Variants in LRRTM4 observed in about 807,000 individuals in gnomAD.
The protein encoded by LRRTM4 is leucine rich repeat transmembrane neuronal 4, also known as leucine-rich repeat transmembrane neuronal protein 4.
LRRTM4 carries 25 observed loss-of-function variants against 47.6 expected under a neutral mutation model. That is an observed-to-expected ratio of 0.53 (90% CI 0.38 to 0.73). LRRTM4 has a LOEUF of 0.73. Among genes scored for constraint, LRRTM4 ranks in the 30% least tolerant of loss-of-function variants. The pLI, the probability that LRRTM4 is intolerant of heterozygous loss-of-function variation, is 0.00. For missense variants in LRRTM4, 638 were observed against 713.4 expected, an observed-to-expected ratio of 0.89 and a Z score of 1.20; for synonymous variants, 311 against 269.5, an observed-to-expected ratio of 1.15 and a Z score of -1.51.
intron 3 of LRRTM4, among the ~76,000 whole-genome samples, chr2:77,052,297 T>C (rs1463431451): frequency 6.6e-6 from 1 of 151,624 alleles, no homozygotes; most frequent in Non-Finnish European, 1.5e-5. Flanking sequence ...ACCTCCCGGG[T>C]AGCTGGGATT....
rs1679389803 is a variant in LRRTM4, at chr2:77,519,501, T to A, written c.368A>T (p.Tyr123Phe). The change falls in exon 3 of 4, where the codon TAT becomes TTT. Residue 123 changes from tyrosine to phenylalanine, a missense_variant. Tyr to Phe is a conservative substitution (Grantham distance 22). Transcript: ENST00000409884. The surrounding 1 kb of genome is among the most constrained non-coding windows in gnomAD (Gnocchi z 4.6). ...TGGGTGAAATGTTTTATTGTGCAGA[T>A]AAGTAATTTTGTTGGAGCTTAGAAT... ...ELILSSNKIT[Y>F]LHNKTFHPVP... is the part of the protein sequence containing the mutation. 1 of 1,613,462 alleles carries A rather than the reference T, an allele frequency of 6.2e-7. No homozygotes were observed. The highest frequency in any genetic ancestry group is 8.5e-7 in the Non-Finnish European group (1 of 1,179,626).
At chr2:77,036,876 A>T (rs372146890) in intron 3 of LRRTM4, among the ~76,000 whole-genome samples, 1 of 151,866 alleles carries the variant, frequency 6.6e-6, no homozygotes, top group East Asian at 1.9e-4. Flanking sequence ...CAATCTGCTG[A>T]TCAAGAAAGA....
chr2:77,177,249 C>T (rs1673224546), intron 3 of LRRTM4, among the ~76,000 whole-genome samples: 1 of 152,178 alleles, frequency 6.6e-6, no homozygotes, highest in Non-Finnish European at 1.5e-5. Flanking sequence ...CCCACATGGT[C>T]TCCTGGGCTG....
At chr2:76,851,235 T>C (rs1671983717) in intron 3 of LRRTM4, among the ~76,000 whole-genome samples, 1 of 152,204 alleles carries the variant, frequency 6.6e-6, no homozygotes, top group Admixed American at 6.6e-5. Flanking sequence ...CAGCATCTTT[T>C]GTCAGATGCT....
chr2:77,051,922 A>C (rs1164724142), intron 3 of LRRTM4, among the ~76,000 whole-genome samples: 1 of 152,112 alleles, frequency 6.6e-6, no homozygotes, highest in Non-Finnish European at 1.5e-5. Flanking sequence ...ATCTTCAGAC[A>C]TGTAATTGTT....
intron 3 of LRRTM4, among the ~76,000 whole-genome samples, chr2:76,778,691 T>C (rs992779657): frequency 1.1e-4 from 16 of 151,946 alleles, no homozygotes; most frequent in African/African-American, 3.6e-4. Flanking sequence ...ATCAATTTTG[T>C]TGATCCTTTC....
chr2:76,837,685 C>A (rs373469003), intron 3 of LRRTM4, among the ~76,000 whole-genome samples: 1 of 152,050 alleles, frequency 6.6e-6, no homozygotes, highest in East Asian at 1.9e-4. Flanking sequence ...TGGAACCAAC[C>A]CAAATGTCCA....
chr2:77,359,034 A>G (rs1409149480), intron 3 of LRRTM4, among the ~76,000 whole-genome samples: 1 of 152,150 alleles, frequency 6.6e-6, no homozygotes, highest in Non-Finnish European at 1.5e-5. Flanking sequence ...TCTAATTACA[A>G]TATTTTCCTA....
At chr2:76,791,447 G>C (rs1017506100) in intron 3 of LRRTM4, among the ~76,000 whole-genome samples, 12 of 152,098 alleles carry the variant, frequency 7.9e-5, no homozygotes, top group Admixed American at 2.6e-4. Context: ...AGAGAATTTA[G>C]AGGAAAAAAT....
intron 3 of LRRTM4, among the ~76,000 whole-genome samples, chr2:77,279,948 T>C (rs953728932): frequency 6.6e-6 from 1 of 151,980 alleles, no homozygotes; most frequent in Non-Finnish European, 1.5e-5. Flanking sequence ...ATGTGGTAGA[T>C]AGAATAATAT....
At chr2:77,498,889 T>C (rs1054537130) in intron 3 of LRRTM4, among the ~76,000 whole-genome samples, 1 of 151,850 alleles carries the variant, frequency 6.6e-6, no homozygotes, top group Admixed American at 6.6e-5. Context: ...ACACAGAAAT[T>C]CTCTCAATTT....
chr2:77,000,393 G>A (rs1297072968), intron 3 of LRRTM4, among the ~76,000 whole-genome samples: 2 of 152,110 alleles, frequency 1.3e-5, no homozygotes, highest in African/African-American at 4.8e-5. Context: ...TACAATAAAT[G>A]AGAGCTTGGG....
rs1053532058 is a variant in LRRTM4 at position 77,453,537 on chromosome 2, T to C, written c.1551+64781A>G. Among the ~76,000 whole-genome samples, 3 of 152,156 alleles carry C rather than the reference T, an allele frequency of 2.0e-5. No homozygotes were observed. The South Asian group carries it at 6.2e-4, about 31-fold the overall frequency. On this transcript the variant is annotated intron_variant, in intron 3 of 3. Coordinates refer to ENST00000409884, the MANE Select transcript of LRRTM4 (RefSeq NM_001134745.3). ...GATTCCAAGTCATTGGATAGAAAAA[T>C]TCATTTGTGGTATGTCTTAAGGAAA... is the stretch of plus-strand genomic sequence containing the variant.
chr2:76,774,285 C>T (rs996301749), intron 3 of LRRTM4, among the ~76,000 whole-genome samples: 51 of 151,746 alleles, frequency 3.4e-4, no homozygotes, highest in Admixed American at 2.2e-3. Context: ...TCTGACTCCC[C>T]GGTTCAAGCA....
chr2:77,096,659 T>C (rs1245431855), intron 3 of LRRTM4, among the ~76,000 whole-genome samples: 1 of 151,500 alleles, frequency 6.6e-6, no homozygotes, highest in African/African-American at 2.4e-5. Flanking sequence ...ATATAGAGAA[T>C]AGATAAAGGT....
At chr2:77,334,813 A>G (rs1435908390) in intron 3 of LRRTM4, among the ~76,000 whole-genome samples, 1 of 152,186 alleles carries the variant, frequency 6.6e-6, no homozygotes, top group Non-Finnish European at 1.5e-5. Flanking sequence ...CAAAGATAGG[A>G]TACTAGTCTT....
intron 3 of LRRTM4, among the ~76,000 whole-genome samples, chr2:76,834,377 G>A (rs1459669310): frequency 1.3e-5 from 2 of 151,784 alleles, no homozygotes; most frequent in Admixed American, 1.3e-4. Context: ...TTTGTACTTA[G>A]AGGAGATTTC....
intron 3 of LRRTM4, among the ~76,000 whole-genome samples, chr2:77,045,499 C>G (rs915262477): frequency 2.0e-5 from 3 of 151,824 alleles, no homozygotes; most frequent in African/African-American, 7.3e-5. Flanking sequence ...GTGTCCCCAC[C>G]CAAATCTCAT....
intron 3 of LRRTM4, among the ~76,000 whole-genome samples, chr2:76,780,596 G>T (rs1219974720): frequency 6.6e-6 from 1 of 151,950 alleles, no homozygotes; most frequent in Non-Finnish European, 1.5e-5. Flanking sequence ...TCGAGCCTTG[G>T]TTTTCAGCTC....
Sources: allele counts gnomAD v4.1 joint callset (sites outside exome capture counted in the v4.1 genomes callset), GRCh38; gene constraint gnomAD v4.1.1; non-coding constraint Gnocchi (gnomAD v3.1); transcripts MANE v1.5; gene names NCBI Gene and HGNC (gene_info 2026-07-23, HGNC 2026-07-21).